The following CDADC1 variants were observed in gnomAD, a reference collection of about 807,000 sequenced individuals.
CDADC1 encodes the protein dCTP deaminase.
In CDADC1, 39 loss-of-function variants were observed where a neutral mutation model predicts 54.9. The ratio of observed to expected loss-of-function variants is 0.71; its 90% CI spans 0.55 to 0.93. The LOEUF is 0.93. Ranked by LOEUF, CDADC1 falls within the 40% of genes least tolerant of loss-of-function variation. The probability of loss-of-function intolerance (pLI) is 0.00; values close to 1 mark genes in which losing one functional copy is unlikely to be tolerated. For synonymous variants in CDADC1, 186 were observed against 204.0 expected (o/e 0.91, Z 0.75); for missense variants, 518 against 618.8 (o/e 0.84, Z 1.73).
chr13:49,286,117 T>C, intron 8 of CDADC1, 105 bp from the exon 9 acceptor site: 1 of 945,966 alleles, frequency 1.1e-6, no homozygotes, highest in Admixed American at 2.0e-5. Context: ...CCCAGCCATT[T>C]TTCTTCCATT....
chr13:49,270,141 T>C (rs533694310), intron 5 of CDADC1, among the ~76,000 whole-genome samples: 4 of 152,348 alleles, frequency 2.6e-5, no homozygotes, highest in African/African-American at 7.2e-5. Context: ...AAAACAAATC[T>C]TTTTATCCAA....
chr13:49,289,359 C>G (rs1953630065), intron 9 of CDADC1, among the ~76,000 whole-genome samples: 1 of 151,978 alleles, frequency 6.6e-6, no homozygotes, highest in African/African-American at 2.4e-5. Context: ...AACTCTGGAC[C>G]TCAGGTGATC....
intron 8 of CDADC1, among the ~76,000 whole-genome samples, chr13:49,285,704 T>G (rs1953494249): frequency 6.6e-6 from 1 of 152,208 alleles, no homozygotes; most frequent in Non-Finnish European, 1.5e-5. Context: ...TCAACTTCTC[T>G]AAGAGTATTG....
At position 49,291,942 on chromosome 13, in the gene CDADC1, T is replaced by C. The variant is rs1330352020; in HGVS notation, c.*185T>C. 2 of 1,371,808 alleles carry C rather than the reference T, an allele frequency of 1.5e-6. No individual in the cohort carries two copies. The highest frequency in any genetic ancestry group is 1.5e-5 in the African/African-American group (1 of 68,346). 85.0% of individuals were successfully genotyped at this position (1,371,808 alleles called of 1,614,324 possible). On this transcript the variant is annotated 3_prime_UTR_variant, in exon 10 of 10. Transcript: ENST00000251108. ...AATATTTGTCTTTTAGATTTATGTG[T>C]GGGTTTTCCATAATGTAGTAGTGTG... is the stretch of plus-strand genomic sequence containing the variant.
intron 7 of CDADC1, 22 bp downstream of exon 7, chr13:49,278,541 A>C: frequency 7.0e-7 from 1 of 1,437,580 alleles, no homozygotes; most frequent in Non-Finnish European, 9.4e-7. Context: ...TTCTTGGTGT[A>C]CTTTTCTTTA....
chr13:49,250,917 G>A (rs866030171), intron 2 of CDADC1, among the ~76,000 whole-genome samples: 20 of 152,068 alleles, frequency 1.3e-4, no homozygotes, highest in African/African-American at 4.6e-4. Context: ...TAACGGCTGA[G>A]AAAGCTCTTC....
chr13:49,260,132 A>G lies in CDADC1; in HGVS notation c.430+609A>G, dbSNP rs117366185. ...AAAAAATATGTAAATATATATCTGAAGACAGTTTGATACATTATAAGAGTA... is the reference window on the plus strand; with the variant it reads ...AAAAAATATGTAAATATATATCTGAGGACAGTTTGATACATTATAAGAGTA... On this transcript the variant is annotated intron_variant, in intron 4 of 9. Transcript: ENST00000251108. Among the ~76,000 whole-genome samples the G allele has an allele frequency of 6.1e-3, 935 of 152,278 alleles. 4 individuals carry two copies. Among genetic ancestry groups the G allele is most frequent in the Non-Finnish European group, 9.8e-3 (669 of 68,024 alleles).
At chr13:49,278,832 C>T (rs1284245482) in intron 7 of CDADC1, among the ~76,000 whole-genome samples, 1 of 152,120 alleles carries the variant, frequency 6.6e-6, no homozygotes, top group Non-Finnish European at 1.5e-5. Flanking sequence ...TGTTAAGGCT[C>T]CTTTGTTTTC....
chr13:49,287,395 T>G (rs1040891035), intron 9 of CDADC1, among the ~76,000 whole-genome samples: 1 of 152,236 alleles, frequency 6.6e-6, no homozygotes, highest in Non-Finnish European at 1.5e-5. Context: ...GAAAATGTAT[T>G]GTTTGCAATT....
At chr13:49,274,011 T>C (rs1265975127) in intron 5 of CDADC1, among the ~76,000 whole-genome samples, 1 of 152,190 alleles carries the variant, frequency 6.6e-6, no homozygotes. Flanking sequence ...GGCTACAGCT[T>C]TGAGGGACCT....
intron 8 of CDADC1, among the ~76,000 whole-genome samples, chr13:49,282,236 GTTTTTTTT>G (rs759792512): frequency 1.1e-5 from 1 of 94,146 alleles, no homozygotes; most frequent in Non-Finnish European, 2.1e-5. Flanking sequence ...GTTTTTGTGG[GTTTTTTTT>G]TTTTTTTTTT....
At position 49,267,616 on chromosome 13, in the gene CDADC1, C is replaced by T; in HGVS notation, c.557C>T (p.Ala186Val). The change falls in exon 5 of 10, where the codon GCC becomes GTC. Residue 186 changes from alanine to valine, a missense_variant. By Grantham distance (64) the Ala-to-Val change is moderately conservative. Transcript: ENST00000251108. The stretch of plus-strand genomic sequence containing the variant: ...GAAAGATTGAAGTCAAACAGTCGGG[C>T]CCATGTGTGTGTCTTACTTCAACCT... The part of the protein sequence containing the change: ...AVERLKSNSR[A>V]HVCVLLQPLV... 6.2e-7 allele frequency: 1 copy of T among 1,614,060 alleles called. No individual in the cohort carries two copies. The highest frequency in any genetic ancestry group is 1.1e-5 in the South Asian group (1 of 91,074).
chr13:49,278,233 C>T, intron 6 of CDADC1, 117 bp from the exon 7 acceptor site: 1 of 699,692 alleles, frequency 1.4e-6, no homozygotes, highest in Non-Finnish European at 2.2e-6. Context: ...GCTCAGTTTA[C>T]TGTAGAAAAT....
chr13:49,248,766 G>A, intron 1 of CDADC1, 105 bp from the exon 2 acceptor site: 1 of 733,606 alleles, frequency 1.4e-6, no homozygotes, highest in Middle Eastern at 2.4e-4. Context: ...TGTGCCTCTT[G>A]CGAAAGCAGC....
chr13:49,248,396 C>A (rs1005615746), intron 1 of CDADC1: 1 of 408,814 alleles, frequency 2.4e-6, no homozygotes, highest in African/African-American at 2.0e-5. Context: ...CATTTCCAAA[C>A]GGCGCTTTTG....
chr13:49,293,399 A>G lies in CDADC1; in HGVS notation c.*1642A>G, dbSNP rs1953764755. 6.6e-6 allele frequency: 1 copy of G among 152,264 alleles called. No individual in the cohort carries two copies. The highest frequency in any genetic ancestry group is 1.5e-5 in the Non-Finnish European group (1 of 68,068). The allele number at this position is 152,264 out of a possible 1,614,324, so 9.4% of individuals were successfully genotyped here. A position where few individuals can be genotyped will look rare whatever the true frequency, so the allele number is the denominator to read the frequency against. Reference sequence around the variant, plus strand: ...TAGAAAGGGAAAAATAGGCATTTCCACAGTACTATTAAGAGAGGCATGATA... The same window carrying G: ...TAGAAAGGGAAAAATAGGCATTTCCGCAGTACTATTAAGAGAGGCATGATA... On this transcript the variant is annotated 3_prime_UTR_variant, in exon 10 of 10. Coordinates refer to ENST00000251108, the MANE Select transcript of CDADC1 (RefSeq NM_030911.4).
At chr13:49,290,011 A>C (rs1953652932) in intron 9 of CDADC1, among the ~76,000 whole-genome samples, 1 of 152,146 alleles carries the variant, frequency 6.6e-6, no homozygotes, top group Admixed American at 6.5e-5. Flanking sequence ...ACACCACTGC[A>C]CTCCAGCCTG....
chr13:49,286,704 G>T (rs1350744681), intron 9 of CDADC1, among the ~76,000 whole-genome samples: 1 of 152,138 alleles, frequency 6.6e-6, no homozygotes, highest in East Asian at 1.9e-4. Flanking sequence ...GCCCAGATTG[G>T]AAATGTTCTG....
chr13:49,250,639 A>G lies in CDADC1; in HGVS notation c.177+1674A>G, dbSNP rs113144023. Among the ~76,000 whole-genome samples, 1,310 of 152,340 alleles carry G rather than the reference A, an allele frequency of 8.6e-3. 20 individuals are homozygous for G. Among genetic ancestry groups the G allele is most frequent in the African/African-American group, 0.03 (1,252 of 41,562 alleles). ...GAAGAGACTGGAAAGGAGCTTGACA[A>G]TGTAGACAGGAATCATATCATAAAA... On this transcript the variant is annotated intron_variant, in intron 2 of 9. Transcript: ENST00000251108.
Sources: gnomAD v4.1 joint callset for allele counts (sites outside exome capture counted in the v4.1 genomes callset) on GRCh38, gnomAD v4.1.1 for gene constraint, MANE v1.5 for transcripts, NCBI Gene and HGNC (gene_info 2026-07-23, HGNC 2026-07-21) for gene names.